Variants in YIPF4 observed in about 807,000 individuals in gnomAD.
The protein encoded by YIPF4 is protein YIPF4.
Under a neutral mutation model 29.4 loss-of-function variants are expected in YIPF4, and 18 were observed. The observed-to-expected ratio is 0.61, with a 90% CI of 0.42 to 0.91. The LOEUF is 0.91. Among genes scored for constraint, YIPF4 ranks in the 40% least tolerant of loss-of-function variants. YIPF4 has a pLI of 0.00. For synonymous variants in YIPF4, 115 were observed against 104.7 expected (o/e 1.10, Z -0.60); for missense variants, 279 against 282.7 (o/e 0.99, Z 0.09).
In YIPF4 at chr2:32,305,864, A is replaced by G; in HGVS notation, c.*238A>G. On this transcript the variant is annotated 3_prime_UTR_variant, in exon 6 of 6. Transcript: ENST00000238831. ...TTTGATTCTCCATATTCCAGTGAAT[A>G]AAATACAAAAGCATTGTGTTTTTAA... is the stretch of plus-strand genomic sequence containing the variant. 3 of 1,128,332 alleles carry G rather than the reference A, an allele frequency of 2.7e-6. No individual in the cohort carries two copies. Among genetic ancestry groups the G allele is most frequent in the Non-Finnish European group, 3.2e-6 (3 of 923,904 alleles). 69.9% of individuals were successfully genotyped at this position (1,128,332 alleles called of 1,614,324 possible). A position where few individuals can be genotyped will look rare whatever the true frequency, so the allele number is the denominator to read the frequency against.
chr2:32,314,792 G>A lies in YIPF4; in HGVS notation c.*9166G>A, dbSNP rs1416109114. 1.3e-5 allele frequency: 2 copies of A among 152,122 alleles called. No individual in the cohort carries two copies. Among genetic ancestry groups the A allele is most frequent in the African/African-American group, 4.8e-5 (2 of 41,426 alleles). The allele number at this position is 152,122 out of a possible 1,614,324, so 9.4% of individuals were successfully genotyped here. A position where few individuals can be genotyped will look rare whatever the true frequency, so the allele number is the denominator to read the frequency against. On this transcript the variant is annotated 3_prime_UTR_variant, in exon 6 of 6. Coordinates refer to ENST00000238831, the MANE Select transcript of YIPF4 (RefSeq NM_032312.4). ...ACAAACATTGGCTGTTATTATATTA[G>A]CTATTAAAAATTTAAGTCATTTAGG...
intron 5 of YIPF4, among the ~76,000 whole-genome samples, chr2:32,301,886 G>T (rs1162027808): frequency 2.0e-5 from 3 of 152,044 alleles, no homozygotes; most frequent in Non-Finnish European, 2.9e-5. Flanking sequence ...TTTGTTTTTA[G>T]TAGAGATGGG....
chr2:32,284,920 T>G (rs2030601038), intron 1 of YIPF4, among the ~76,000 whole-genome samples: 1 of 152,076 alleles, frequency 6.6e-6, no homozygotes, highest in African/African-American at 2.4e-5. Context: ...ATTATTGGAC[T>G]TGAGCTAGAA....
At chr2:32,293,856 C>T (rs1280747208) in intron 3 of YIPF4, among the ~76,000 whole-genome samples, 1 of 141,370 alleles carries the variant, frequency 7.1e-6, no homozygotes, top group Non-Finnish European at 1.5e-5. Flanking sequence ...ACCCCCCCAC[C>T]TCCCTCCCGG....
intron 3 of YIPF4, among the ~76,000 whole-genome samples, chr2:32,293,711 G>A (rs1218714250): frequency 2.0e-5 from 3 of 151,666 alleles, no homozygotes; most frequent in African/African-American, 7.3e-5. Context: ...CGGCTGGCCG[G>A]GCGGGGGGCT....
intron 3 of YIPF4, 89 bp downstream of exon 3, chr2:32,292,437 T>C (rs1331963410): frequency 3.9e-6 from 4 of 1,014,964 alleles, no homozygotes; most frequent in Non-Finnish European, 3.9e-6. Context: ...ATATACCATA[T>C]TATGTTTGAG....
In YIPF4 at chr2:32,309,687, T is replaced by TG. The variant is rs1374051457; in HGVS notation, c.*4061_*4062insG. On this transcript the variant is annotated 3_prime_UTR_variant, in exon 6 of 6. Coordinates refer to ENST00000238831, the MANE Select transcript of YIPF4 (RefSeq NM_032312.4). ...GCTTTAGGGAATTGTGACCCTTTTTTTTTTTTTTTTTTTTTTTTTGGAGAC... is the reference window on the plus strand; with the variant it reads ...GCTTTAGGGAATTGTGACCCTTTTTTGTTTTTTTTTTTTTTTTTTTGGAGAC... 1.2e-4 allele frequency: 6 copies of TG among 50,692 alleles called. No homozygotes were observed. Among genetic ancestry groups the TG allele is most frequent in the African/African-American group, 4.0e-4 (6 of 14,836 alleles). The allele number at this position is 50,692 out of a possible 1,614,324, so 3.1% of individuals were successfully genotyped here.
chr2:32,308,875 C>T lies in YIPF4; in HGVS notation c.*3249C>T, dbSNP rs1573547320. The T allele has an allele frequency of 2.0e-5, 3 of 151,304 alleles. No homozygotes were observed. Among genetic ancestry groups the T allele is most frequent in the African/African-American group, 7.3e-5 (3 of 41,122 alleles). 9.4% of individuals were successfully genotyped at this position (151,304 alleles called of 1,614,324 possible). A position where few individuals can be genotyped will look rare whatever the true frequency, so the allele number is the denominator to read the frequency against. On this transcript the variant is annotated 3_prime_UTR_variant, in exon 6 of 6. Coordinates refer to ENST00000238831, the MANE Select transcript of YIPF4 (RefSeq NM_032312.4). The stretch of plus-strand genomic sequence containing the variant: ...TGAAACCCCGTCTCTACTAAAAATA[C>T]AATAAATTAGCCGGGCATGGTGGCG...
chr2:32,299,432 T>C (rs767998474), intron 4 of YIPF4, among the ~76,000 whole-genome samples: 1 of 152,226 alleles, frequency 6.6e-6, no homozygotes, highest in Non-Finnish European at 1.5e-5. Flanking sequence ...CTAAAGTATC[T>C]GAAGAAAATA....
intron 1 of YIPF4, among the ~76,000 whole-genome samples, chr2:32,283,291 G>A (rs1558473477): frequency 6.6e-6 from 1 of 151,846 alleles, no homozygotes; most frequent in East Asian, 1.9e-4. Flanking sequence ...GTTTCTACAC[G>A]TCATATAAAT....
intron 2 of YIPF4, chr2:32,290,869 T>A: frequency 4.7e-6 from 1 of 211,830 alleles, no homozygotes; most frequent in Non-Finnish European, 9.2e-6. Flanking sequence ...CACATGTGTG[T>A]CTACTCCAGC....
At chr2:32,294,528 T>A (rs1212013087) in intron 3 of YIPF4, among the ~76,000 whole-genome samples, 4 of 146,908 alleles carry the variant, frequency 2.7e-5, no homozygotes, top group Non-Finnish European at 5.9e-5. Context: ...GAAGAGGGGC[T>A]CCTCACTTCC....
chr2:32,302,273 C>T (rs1282627472), intron 5 of YIPF4, among the ~76,000 whole-genome samples: 2 of 152,064 alleles, frequency 1.3e-5, no homozygotes, highest in African/African-American at 4.8e-5. Flanking sequence ...TTGTGATCCA[C>T]CCGCCTCAGC....
At chr2:32,294,175 C>CGG (rs2031065681) in intron 3 of YIPF4, among the ~76,000 whole-genome samples, 1 of 151,748 alleles carries the variant, frequency 6.6e-6, no homozygotes, top group East Asian at 1.9e-4. Context: ...GGCTGACCCC[C>CGG]ACCTCCCTCC....
intron 5 of YIPF4, among the ~76,000 whole-genome samples, chr2:32,303,219 G>A (rs2031466404): frequency 6.6e-6 from 1 of 152,184 alleles, no homozygotes; most frequent in African/African-American, 2.4e-5. Context: ...ATTTAGCCAG[G>A]TGTGGTGGCG....
In YIPF4 at chr2:32,315,487, C is replaced by A. The variant is rs1390791941; in HGVS notation, c.*9861C>A. The A allele has an allele frequency of 6.6e-6, 1 of 152,300 alleles. No individual in the cohort carries two copies. The highest frequency in any genetic ancestry group is 6.6e-5 in the Admixed American group (1 of 15,254). The allele number at this position is 152,300 out of a possible 1,614,324, so 9.4% of individuals were successfully genotyped here. The stretch of plus-strand genomic sequence containing the variant: ...AAGCTGGGCTGCGCGCGGTGGCTCA[C>A]GCCTGAAATCCCAGCACTTTGGGAG... On this transcript the variant is annotated 3_prime_UTR_variant, in exon 6 of 6. Coordinates refer to ENST00000238831, the MANE Select transcript of YIPF4 (RefSeq NM_032312.4).
At position 32,277,934 on chromosome 2, in the gene YIPF4, C is replaced by T. The variant is rs1385290975; in HGVS notation, c.-222C>T. On this transcript the variant is annotated 5_prime_UTR_variant, in exon 1 of 6. Transcript: ENST00000238831. ...TGTTATGGTCCTGTCAGGGTGCCGG[C>T]GTCGTGGTGCTTGGGTGGTCGCCAC... The T allele has an allele frequency of 1.9e-6, 1 of 525,680 alleles. No homozygotes were observed. The highest frequency in any genetic ancestry group is 3.3e-6 in the Non-Finnish European group (1 of 299,234). 32.6% of individuals were successfully genotyped at this position (525,680 alleles called of 1,614,324 possible).
rs536595832 is a variant in YIPF4 at position 32,314,056 on chromosome 2, C to G, written c.*8430C>G. 1 of 152,026 alleles carries G rather than the reference C, an allele frequency of 6.6e-6. No homozygotes were observed. The highest frequency in any genetic ancestry group is 2.1e-4 in the South Asian group (1 of 4,824). 9.4% of individuals were successfully genotyped at this position (152,026 alleles called of 1,614,324 possible). On this transcript the variant is annotated 3_prime_UTR_variant, in exon 6 of 6. Coordinates refer to ENST00000238831, the MANE Select transcript of YIPF4 (RefSeq NM_032312.4). ...ATTATACTCTTGACATATATTCAAC[C>G]GAAATGCATGTACATGTACCATAAG...
rs2031672987 is a variant in YIPF4 at position 32,309,621 on chromosome 2, A to T, written c.*3995A>T. The stretch of plus-strand genomic sequence containing the variant: ...TGAACAAAACTAGTTGAATACTTCT[A>T]AATATTCATTTTTGTTAGTGCACAT... On this transcript the variant is annotated 3_prime_UTR_variant, in exon 6 of 6. Coordinates refer to ENST00000238831, the MANE Select transcript of YIPF4 (RefSeq NM_032312.4). The T allele has an allele frequency of 6.6e-6, 1 of 152,066 alleles. No homozygotes were observed. Among genetic ancestry groups the T allele is most frequent in the Non-Finnish European group, 1.5e-5 (1 of 68,020 alleles). 9.4% of individuals were successfully genotyped at this position (152,066 alleles called of 1,614,324 possible).
Sources: allele counts gnomAD v4.1 joint callset (sites outside exome capture counted in the v4.1 genomes callset), GRCh38; gene constraint gnomAD v4.1.1; transcripts MANE v1.5; gene names NCBI Gene and HGNC (gene_info 2026-07-23, HGNC 2026-07-21).